PDZD2: variants seen among roughly 807,000 people sequenced by gnomAD.
The protein encoded by PDZD2 is PDZ domain containing 2, also known as PDZ domain-containing protein 2.
PDZD2 carries 90 observed loss-of-function variants against 220.7 expected under a neutral mutation model. The ratio of observed to expected loss-of-function variants is 0.41; its 90% CI spans 0.34 to 0.49. The LOEUF (loss-of-function observed/expected upper bound fraction) is 0.49, where lower values mean the gene tolerates loss of function less well. Among genes scored for constraint, PDZD2 ranks in the 20% least tolerant of loss-of-function variants. The pLI, the probability that PDZD2 is intolerant of heterozygous loss-of-function variation, is 0.28. For synonymous variants in PDZD2, 1,375 were observed against 1,450.5 expected, an observed-to-expected ratio of 0.95 and a Z score of 1.18; for missense variants, 3,174 against 3,608.5, an observed-to-expected ratio of 0.88 and a Z score of 3.08.
intron 5 of PDZD2, among the ~76,000 whole-genome samples, chr5:32,001,896 G>A (rs1752138119): frequency 6.6e-6 from 1 of 152,190 alleles, no homozygotes. Context: ...CGAGGAACTG[G>A]TGAAGTGGAG....
At chr5:31,656,477 T>TC (rs1745555571) in intron 1 of PDZD2, among the ~76,000 whole-genome samples, 1 of 152,094 alleles carries the variant, frequency 6.6e-6, no homozygotes, top group Admixed American at 6.6e-5. Flanking sequence ...CCTCTCTGTG[T>TC]CCCCAGCAGC....
intron 2 of PDZD2, among the ~76,000 whole-genome samples, chr5:31,954,563 C>T (rs899815506): frequency 4.6e-5 from 7 of 152,080 alleles, no homozygotes; most frequent in Admixed American, 2.6e-4. Context: ...GTCAGGGACA[C>T]GAGGTTACAA....
In PDZD2 at chr5:32,108,194, C is replaced by CTT. The variant is rs1744986594; in HGVS notation, c.*61_*62dup. The CTT allele has an allele frequency of 3.3e-6, 4 of 1,204,222 alleles. No individual in the cohort carries two copies. The Admixed American group carries it at 6.2e-5, about 19-fold the overall frequency. 74.6% of individuals were successfully genotyped at this position (1,204,222 alleles called of 1,614,324 possible). On this transcript the variant is annotated 3_prime_UTR_variant, in exon 25 of 25. Coordinates refer to ENST00000438447, the MANE Select transcript of PDZD2 (RefSeq NM_178140.4). Reference sequence around the variant, plus strand: ...TTTCTTTAGCAAATCAGAGTGACTTCTTTAAACCACAGGTTGTTGAAATGG... The same window carrying CTT: ...TTTCTTTAGCAAATCAGAGTGACTTCTTTTTAAACCACAGGTTGTTGAAATGG...
chr5:31,848,417 A>G (rs1757713806), intron 2 of PDZD2, among the ~76,000 whole-genome samples: 1 of 152,246 alleles, frequency 6.6e-6, no homozygotes, highest in Non-Finnish European at 1.5e-5. Context: ...TGAATTCTTC[A>G]GCTTTGTGGG....
chr5:31,671,152 C>T (rs560643871), intron 1 of PDZD2, among the ~76,000 whole-genome samples: 2 of 152,254 alleles, frequency 1.3e-5, no homozygotes, highest in East Asian at 1.9e-4. Context: ...ACTCTCAGTC[C>T]TGTGGGCCAG....
intron 2 of PDZD2, among the ~76,000 whole-genome samples, chr5:31,853,170 T>G (rs775619869): frequency 6.6e-6 from 1 of 152,152 alleles, no homozygotes; most frequent in Non-Finnish European, 1.5e-5. Flanking sequence ...GAGACCCTTA[T>G]AATATGTGTA....
At chr5:31,792,890 G>A (rs1276841629) in intron 1 of PDZD2, among the ~76,000 whole-genome samples, 1 of 152,060 alleles carries the variant, frequency 6.6e-6, no homozygotes, top group Non-Finnish European at 1.5e-5. Flanking sequence ...CCAGGCTGGA[G>A]TGCAGTGGTG....
At chr5:31,957,708 C>A (rs951708738) in intron 2 of PDZD2, among the ~76,000 whole-genome samples, 12 of 152,246 alleles carry the variant, frequency 7.9e-5, no homozygotes, top group African/African-American at 2.9e-4. Flanking sequence ...TTGGTTAGGA[C>A]AAAAGGCTTC....
chr5:31,840,300 G>A (rs1021439635), intron 2 of PDZD2, among the ~76,000 whole-genome samples: 2 of 150,216 alleles, frequency 1.3e-5, no homozygotes, highest in African/African-American at 2.5e-5. Context: ...TCTTTGACTG[G>A]GGGGGAAGAA....
chr5:31,779,988 G>A (rs1289114756), intron 1 of PDZD2, among the ~76,000 whole-genome samples: 1 of 152,070 alleles, frequency 6.6e-6, no homozygotes, highest in Admixed American at 6.6e-5. Flanking sequence ...TGAAGACGTC[G>A]CCAGTTTCTG....
intron 1 of PDZD2, among the ~76,000 whole-genome samples, chr5:31,728,675 C>G (rs752949021): frequency 6.6e-6 from 1 of 152,250 alleles, no homozygotes; most frequent in Non-Finnish European, 1.5e-5. Context: ...GTTGCAATGG[C>G]CATGAAATGA....
chr5:32,048,889 T>C (rs1738240760), intron 8 of PDZD2, among the ~76,000 whole-genome samples: 1 of 152,096 alleles, frequency 6.6e-6, no homozygotes, highest in African/African-American at 2.4e-5. Context: ...TCATTGGATC[T>C]CAAAATGTTC....
intron 1 of PDZD2, among the ~76,000 whole-genome samples, chr5:31,641,843 G>C (rs1427779220): frequency 6.6e-6 from 1 of 152,036 alleles, no homozygotes; most frequent in Non-Finnish European, 1.5e-5. Context: ...ATGCTGCCCT[G>C]GGTGTGTTTC....
chr5:31,822,773 A>G, intron 2 of PDZD2: 1 of 1,020,914 alleles, frequency 9.8e-7, no homozygotes, highest in Admixed American at 1.9e-5. Context: ...CTGCAGATGT[A>G]TTTTTCACCC....
chr5:31,777,123 C>A (rs1395017859), intron 1 of PDZD2, among the ~76,000 whole-genome samples: 3 of 152,242 alleles, frequency 2.0e-5, no homozygotes, highest in South Asian at 2.1e-4. Flanking sequence ...GGCCAGGAAC[C>A]GGGGCTGTGC....
chr5:31,936,389 C>A, intron 2 of PDZD2: 3 of 965,478 alleles, frequency 3.1e-6, no homozygotes, highest in Non-Finnish European at 3.7e-6. Flanking sequence ...CACATTTTCT[C>A]TCTGAACACA....
chr5:31,938,647 G>A (rs1316223513), intron 2 of PDZD2, among the ~76,000 whole-genome samples: 4 of 130,506 alleles, frequency 3.1e-5, no homozygotes, highest in African/African-American at 1.1e-4. Context: ...AGAGCATTTG[G>A]TGTTGCCACT....
At chr5:31,916,014 G>A (rs1743647167) in intron 2 of PDZD2, among the ~76,000 whole-genome samples, 1 of 152,158 alleles carries the variant, frequency 6.6e-6, no homozygotes, top group Non-Finnish European at 1.5e-5. Flanking sequence ...CCCCATATGT[G>A]TTCCTGATGA....
chr5:31,772,554 C>G (rs1580725074), intron 1 of PDZD2, among the ~76,000 whole-genome samples: 1 of 152,100 alleles, frequency 6.6e-6, no homozygotes, highest in African/African-American at 2.4e-5. Context: ...CTTTTTGGCA[C>G]CAAGGAACAA....
Sources: allele counts gnomAD v4.1 joint callset (sites outside exome capture counted in the v4.1 genomes callset), GRCh38; gene constraint gnomAD v4.1.1; transcripts MANE v1.5; gene names NCBI Gene and HGNC (gene_info 2026-07-23, HGNC 2026-07-21).